The following LASP1 variants were observed in gnomAD, a reference collection of about 807,000 sequenced individuals.
LASP1 encodes the protein LIM and SH3 protein 1, also known as LIM and SH3 domain protein 1.
A neutral mutation model predicts 38.6 loss-of-function variants in LASP1; 10 were observed. The observed-to-expected ratio is 0.26, with a 90% confidence interval of 0.16 to 0.44. LASP1 has a LOEUF of 0.44. LASP1 is among the 20% of genes least tolerant of loss of function. LASP1 has a pLI of 1.00. For missense variants in LASP1, 243 were observed against 375.7 expected (o/e 0.65, Z 2.92); for synonymous variants, 132 against 140.8 (o/e 0.94, Z 0.44).
At chr17:38,916,490 C>G (rs1291113679) in intron 6 of LASP1, 1 of 151,854 alleles carries the variant, frequency 6.6e-6, no homozygotes, top group African/African-American at 2.4e-5. Flanking sequence ...TTGCTTGAAC[C>G]CGAGAGGCAG....
chr17:38,914,261 G>T (rs1417206850), intron 4 of LASP1, 64 bp from the exon 5 acceptor site: 3 of 1,547,820 alleles, frequency 1.9e-6, no homozygotes, highest in East Asian at 2.4e-5. Flanking sequence ...GATCTTGAGG[G>T]TCACGGGAAG....
intron 4 of LASP1, among the ~76,000 whole-genome samples, chr17:38,901,851 C>T (rs535133298): frequency 2.6e-5 from 4 of 151,922 alleles, no homozygotes; most frequent in South Asian, 4.2e-4. Flanking sequence ...CTGCAACCTC[C>T]GCCTCCCGGG....
At chr17:38,874,337 G>A (rs998428978) in intron 1 of LASP1, among the ~76,000 whole-genome samples, 5 of 152,182 alleles carry the variant, frequency 3.3e-5, no homozygotes, top group Admixed American at 3.3e-4. Flanking sequence ...GGGGTCCTCT[G>A]GACATATTTC....
chr17:38,918,561 G>A lies in LASP1; in HGVS notation c.613-44G>A, dbSNP rs375766471. On this transcript the variant is annotated intron_variant, in intron 6 of 6. Coordinates refer to ENST00000318008, the MANE Select transcript of LASP1 (RefSeq NM_006148.4). This position sits in a 1 kb window ranked among gnomAD's most constrained non-coding sequence, Gnocchi z 4.4. ...TAGAAAAAAATGCTCAGACCCAGGT[G>A]AGCCGGCATGCAGGGCCCTAGGCTG... is the stretch of plus-strand genomic sequence containing the variant. 8.5e-6 allele frequency: 13 copies of A among 1,531,810 alleles called. No homozygotes were observed. The highest frequency in any genetic ancestry group is 1.8e-4 in the Middle Eastern group (1 of 5,662). 94.9% of individuals were successfully genotyped at this position (1,531,810 alleles called of 1,614,324 possible). A position where few individuals can be genotyped will look rare whatever the true frequency, so the allele number is the denominator to read the frequency against.
rs756909085 is a variant in LASP1, at chr17:38,914,345, T to C, written c.378T>C (p.Phe126=). 1.5e-5 allele frequency: 24 copies of C among 1,610,774 alleles called. No homozygotes were observed. Among genetic ancestry groups the C allele is most frequent in the Non-Finnish European group, 8.5e-7 (1 of 1,179,342 alleles). ...QISNIKYHEE[F]EKSRMGPSGG... Reference sequence around the variant, plus strand: ...TGCAGATAAAATACCATGAGGAGTTTGAGAAGAGCCGCATGGGCCCTAGCG... The same window carrying C: ...TGCAGATAAAATACCATGAGGAGTTCGAGAAGAGCCGCATGGGCCCTAGCG... Residue 126 remains phenylalanine, a synonymous_variant, in exon 5 of 7, where the codon TTT becomes TTC. Transcript: ENST00000318008.
At chr17:38,872,119 G>A (rs911469941) in intron 1 of LASP1, among the ~76,000 whole-genome samples, 14 of 152,178 alleles carry the variant, frequency 9.2e-5, no homozygotes, top group Non-Finnish European at 1.5e-4. Context: ...TTCCAGGTCT[G>A]CTCCCACCAG....
chr17:38,895,028 G>A (rs565197057), intron 3 of LASP1, among the ~76,000 whole-genome samples: 20 of 152,102 alleles, frequency 1.3e-4, no homozygotes, highest in Admixed American at 9.2e-4. Context: ...GTCAGCCACC[G>A]CGCCCTGCCT....
chr17:38,893,791 G>A (rs1300583512), intron 3 of LASP1, among the ~76,000 whole-genome samples: 1 of 152,208 alleles, frequency 6.6e-6, no homozygotes, highest in Non-Finnish European at 1.5e-5. Context: ...GAGCAGTGAC[G>A]GGTTCTGGTT....
At chr17:38,883,240 T>C (rs950881301) in intron 2 of LASP1, among the ~76,000 whole-genome samples, 4 of 151,404 alleles carry the variant, frequency 2.6e-5, no homozygotes, top group Admixed American at 6.6e-5. Context: ...ATTAGCCGAG[T>C]GTGGTGGTGT....
chr17:38,906,941 G>A (rs1914790936), intron 4 of LASP1, among the ~76,000 whole-genome samples: 1 of 152,174 alleles, frequency 6.6e-6, no homozygotes, highest in Non-Finnish European at 1.5e-5. Flanking sequence ...GCTGGGGGCT[G>A]TGCTGACATG....
At chr17:38,889,865 C>T (rs964549287) in intron 2 of LASP1, among the ~76,000 whole-genome samples, 16 of 152,210 alleles carry the variant, frequency 1.1e-4, no homozygotes, top group African/African-American at 3.9e-4. Flanking sequence ...TAGGTTGGAC[C>T]TTGTTAACCG....
chr17:38,915,247 T>A, intron 6 of LASP1, 101 bp downstream of exon 6: 1 of 910,602 alleles, frequency 1.1e-6, no homozygotes, highest in Non-Finnish European at 1.7e-6. Context: ...ACCCACCCTC[T>A]GTTGTGTGTG....
intron 1 of LASP1, among the ~76,000 whole-genome samples, chr17:38,871,750 G>C (rs1342562178): frequency 2.0e-5 from 3 of 152,078 alleles, no homozygotes; most frequent in Non-Finnish European, 4.4e-5. Flanking sequence ...CCGCTGCTGT[G>C]TCACTGTTCC....
chr17:38,879,403 C>A (rs906898288), intron 2 of LASP1, among the ~76,000 whole-genome samples: 38 of 151,490 alleles, frequency 2.5e-4, no homozygotes, highest in Non-Finnish European at 4.1e-4. Flanking sequence ...AGTGATGCAC[C>A]GCCTCAGCCT....
intron 3 of LASP1, among the ~76,000 whole-genome samples, chr17:38,894,287 C>T (rs1237505030): frequency 1.3e-5 from 2 of 152,218 alleles, no homozygotes; most frequent in Non-Finnish European, 1.5e-5. Flanking sequence ...ACTGTTCTTC[C>T]ATTTTTTCCT....
intron 4 of LASP1, among the ~76,000 whole-genome samples, chr17:38,913,018 G>C (rs1915000728): frequency 6.6e-6 from 1 of 152,178 alleles, no homozygotes; most frequent in Non-Finnish European, 1.5e-5. Flanking sequence ...GCAGAGTGCA[G>C]CTTCCCTCCC....
chr17:38,881,714 C>T (rs1913958776), intron 2 of LASP1, among the ~76,000 whole-genome samples: 1 of 152,210 alleles, frequency 6.6e-6, no homozygotes, highest in African/African-American at 2.4e-5. Flanking sequence ...CACGTGGTTT[C>T]TTCTGGCACT....
intron 4 of LASP1, among the ~76,000 whole-genome samples, chr17:38,900,282 A>G (rs1437977783): frequency 6.6e-6 from 1 of 150,600 alleles, no homozygotes; most frequent in Non-Finnish European, 1.5e-5. Context: ...CAGGAGGCTG[A>G]AGTGGGAGGA....
chr17:38,883,650 C>T lies in LASP1; in HGVS notation c.164+5470C>T, dbSNP rs569457008. On this transcript the variant is annotated intron_variant, in intron 2 of 6. Coordinates refer to ENST00000318008, the MANE Select transcript of LASP1 (RefSeq NM_006148.4). ...GGATCACTTTGCTTCCTAACACCTA[C>T]GTTTTACAGATGAGGAAACAGGCCC... is the stretch of plus-strand genomic sequence containing the variant. 8.5e-5 allele frequency among the ~76,000 whole-genome samples: 13 copies of T among 152,052 alleles called. No individual in the cohort carries two copies. In the South Asian group the frequency reaches 1.5e-3, roughly 17 times the overall value.
Sources: gnomAD v4.1 joint callset for allele counts (sites outside exome capture counted in the v4.1 genomes callset) on GRCh38, gnomAD v4.1.1 for gene constraint, Gnocchi (gnomAD v3.1) non-coding constraint, MANE v1.5 for transcripts, NCBI Gene and HGNC (gene_info 2026-07-23, HGNC 2026-07-21) for gene names.